EMC3: variants seen among roughly 807,000 people sequenced by gnomAD.
The protein encoded by EMC3 is ER membrane protein complex subunit 3.
A neutral mutation model predicts 36.6 loss-of-function variants in EMC3; 13 were observed. The observed-to-expected ratio is 0.35, with a 90% CI of 0.23 to 0.56. The LOEUF is 0.56. Among genes scored for constraint, EMC3 ranks in the 20% least tolerant of loss-of-function variants. The probability of loss-of-function intolerance (pLI) is 0.84; values close to 1 mark genes in which losing one functional copy is unlikely to be tolerated. For missense variants in EMC3, 220 were observed against 324.5 expected, an observed-to-expected ratio of 0.68 and a Z score of 2.47; for synonymous variants, 120 against 111.9, an observed-to-expected ratio of 1.07 and a Z score of -0.46.
chr3:9,976,858 A>T, intron 3 of EMC3, 99 bp downstream of exon 3: 1 of 792,378 alleles, frequency 1.3e-6, no homozygotes, highest in Non-Finnish European at 2.1e-6. Flanking sequence ...TTTGCAATTT[A>T]ACATTTAAAT....
At chr3:10,004,834 A>T (rs1386369336) in intron 1 of EMC3, 1 of 152,302 alleles carries the variant, frequency 6.6e-6, no homozygotes, top group African/African-American at 2.4e-5. Context: ...TCAGACCCAG[A>T]GGGTTTGGAG....
At chr3:9,977,263 C>A (rs2085859932) in intron 2 of EMC3, 126 bp downstream of exon 2, 2 of 934,112 alleles carry the variant, frequency 2.1e-6, no homozygotes, top group Non-Finnish European at 3.2e-6. Flanking sequence ...GCAAACACCA[C>A]CAGGCCACAG....
intron 1 of EMC3, among the ~76,000 whole-genome samples, chr3:9,986,173 A>C (rs1230621865): frequency 2.6e-5 from 4 of 152,212 alleles, no homozygotes; most frequent in Non-Finnish European, 5.9e-5. Flanking sequence ...TCTCAACGGA[A>C]GGGTGGGATG....
intron 1 of EMC3, among the ~76,000 whole-genome samples, chr3:9,984,758 C>G (rs1415395571): frequency 6.6e-6 from 1 of 152,142 alleles, no homozygotes; most frequent in African/African-American, 2.4e-5. Context: ...GAAACTAATG[C>G]TACAGAAAGA....
intron 1 of EMC3, among the ~76,000 whole-genome samples, chr3:9,979,205 G>A (rs1407770259): frequency 1.3e-5 from 2 of 152,280 alleles, no homozygotes; most frequent in Non-Finnish European, 2.9e-5. Context: ...TCAAAGTGTG[G>A]TGAATGCTAG....
chr3:9,992,895 A>G (rs2124927820), intron 1 of EMC3: 1 of 1,593,256 alleles, frequency 6.3e-7, no homozygotes, highest in African/African-American at 1.3e-5. Context: ...GCTTTTCATC[A>G]TCTATAGCAC....
intron 1 of EMC3, among the ~76,000 whole-genome samples, chr3:9,984,410 GAC>G (rs938053302): frequency 2.0e-5 from 3 of 150,826 alleles, no homozygotes; most frequent in African/African-American, 7.3e-5. Context: ...GTTTTTTTGA[GAC>G]AGAGTCTTGC....
intron 1 of EMC3, among the ~76,000 whole-genome samples, chr3:9,995,481 C>T (rs185980737): frequency 3.3e-5 from 5 of 149,430 alleles, no homozygotes; most frequent in African/African-American, 1.2e-4. Flanking sequence ...CTCCTGAAGC[C>T]AGCATTACTA....
intron 1 of EMC3, among the ~76,000 whole-genome samples, chr3:9,998,050 T>C (rs2086149305): frequency 6.6e-6 from 1 of 152,082 alleles, no homozygotes; most frequent in East Asian, 1.9e-4. Context: ...ATATTCTTGC[T>C]AACATTTATT....
intron 7 of EMC3, among the ~76,000 whole-genome samples, chr3:9,964,594 C>T (rs575923003): frequency 6.6e-6 from 1 of 152,342 alleles, no homozygotes; most frequent in Admixed American, 6.5e-5. Flanking sequence ...TGCAGATTCT[C>T]AGCTCTTTAA....
upstream of EMC3, chr3:9,987,860 C>T: frequency 1.4e-6 from 1 of 713,656 alleles, no homozygotes; most frequent in Non-Finnish European, 2.6e-6. Context: ...TGTACCTACC[C>T]ACTATGAATG....
chr3:9,986,706 T>C lies in EMC3; in HGVS notation c.-45A>G, dbSNP rs1227554163. Reference sequence around the variant, plus strand: ...CCAGTCTGGAATGGGCGAGCTTCTCTTCTCCGGGGCACAGTTGCTTCTCTT... The same window carrying C: ...CCAGTCTGGAATGGGCGAGCTTCTCCTCTCCGGGGCACAGTTGCTTCTCTT... On this transcript the variant is annotated 5_prime_UTR_variant, in exon 1 of 8. Transcript: ENST00000245046. 7 of 1,608,610 alleles carry C rather than the reference T, an allele frequency of 4.4e-6. No homozygotes were observed. Among genetic ancestry groups the C allele is most frequent in the Non-Finnish European group, 5.9e-6 (7 of 1,176,732 alleles).
At chr3:9,969,690 C>A (rs2085766337) in intron 7 of EMC3, 29 bp downstream of exon 7, 1 of 1,614,104 alleles carries the variant, frequency 6.2e-7, no homozygotes, top group Non-Finnish European at 8.5e-7. Flanking sequence ...CAGAGCATTG[C>A]TGCAGCTTTG....
chr3:10,006,248 G>A (rs115031553), intron 1 of EMC3, among the ~76,000 whole-genome samples: 262 of 152,338 alleles, frequency 1.7e-3, no homozygotes, highest in African/African-American at 5.4e-3. Context: ...CAGCCTGCTC[G>A]GCAAGAAGCT....
At chr3:9,989,014 T>G (rs1443653980), upstream of EMC3, among the ~76,000 whole-genome samples, 3 of 151,870 alleles carry the variant, frequency 2.0e-5, no homozygotes, top group Non-Finnish European at 4.4e-5. Flanking sequence ...CACATCAAGG[T>G]GCAGTCAAAG....
intron 1 of EMC3, chr3:10,007,553 A>C: frequency 7.3e-7 from 1 of 1,367,554 alleles, no homozygotes; most frequent in Non-Finnish European, 9.8e-7. Flanking sequence ...GGCCTGACGT[A>C]GGAGTGCTTC....
intron 1 of EMC3, chr3:10,008,396 G>T (rs200225198): frequency 5.8e-5 from 79 of 1,367,380 alleles, no homozygotes; most frequent in Non-Finnish European, 7.5e-5. Flanking sequence ...GTCCTTTCAA[G>T]TGTCTACCTG....
rs1293079810 is a variant in EMC3 at position 9,977,067 on chromosome 3, A to C, written c.214-17T>G. On this transcript the variant is annotated splice_polypyrimidine_tract_variant and intron_variant, in intron 2 of 7. Coordinates refer to ENST00000245046, the MANE Select transcript of EMC3 (RefSeq NM_001394674.1). The stretch of plus-strand genomic sequence containing the variant: ...CAAGAAAGACTAGTAAAAAAAAAAA[A>C]AAGTGTTTTAAGTCTAAGAACTATG... 10 of 1,563,596 alleles carry C rather than the reference A, an allele frequency of 6.4e-6. No homozygotes were observed. The highest frequency in any genetic ancestry group is 7.8e-6 in the Non-Finnish European group (9 of 1,148,616).
rs527602944 is a variant in EMC3, at chr3:10,000,929, T to C, written c.-242+10094A>G. 3 of 415,954 alleles carry C rather than the reference T, an allele frequency of 7.2e-6. No individual in the cohort carries two copies. The East Asian group carries it at 2.1e-4, about 30-fold the overall frequency. 25.8% of individuals were successfully genotyped at this position (415,954 alleles called of 1,614,324 possible). ...GCACACTTCTGAACAAAAATCTTGC[T>C]TTTCTCAACATCACTTGTATTTAAT... On this transcript the variant is annotated intron_variant, in intron 1 of 8. Coordinates refer to the EMC3 transcript ENST00000470827.
Sources: gnomAD v4.1 joint callset for allele counts (sites outside exome capture counted in the v4.1 genomes callset) on GRCh38, gnomAD v4.1.1 for gene constraint, MANE v1.5 for transcripts, NCBI Gene and HGNC (gene_info 2026-07-23, HGNC 2026-07-21) for gene names.